The following MYO18A variants were observed in gnomAD, a reference collection of about 807,000 sequenced individuals.
MYO18A encodes unconventional myosin-XVIIIa.
A neutral mutation model predicts 235.8 loss-of-function variants in MYO18A; 78 were observed. The observed-to-expected ratio is 0.33, with a 90% CI of 0.28 to 0.40. The LOEUF (loss-of-function observed/expected upper bound fraction) is 0.40, where lower values mean the gene tolerates loss of function less well. MYO18A is among the 10% of genes least tolerant of loss of function. The probability of loss-of-function intolerance (pLI) is 1.00; values close to 1 mark genes in which losing one functional copy is unlikely to be tolerated. For missense variants in MYO18A, 2,215 were observed against 2,699.3 expected, an observed-to-expected ratio of 0.82 and a Z score of 3.98; for synonymous variants, 977 against 1,077.8, an observed-to-expected ratio of 0.91 and a Z score of 1.83.
chr17:29,071,494 C>G lies in MYO18A; in HGVS notation c.*3276G>C, dbSNP rs535923288. 4 of 152,342 alleles carry G rather than the reference C, an allele frequency of 2.6e-5. No individual in the cohort carries two copies. Among genetic ancestry groups the G allele is most frequent in the African/African-American group, 9.6e-5 (4 of 41,578 alleles). 9.4% of individuals were successfully genotyped at this position (152,342 alleles called of 1,614,324 possible). Reference sequence around the variant, plus strand: ...CACTGGTCATGTGACAATGCACAGCCAGCCTGTGGCATGTTCTACCAGCAC... The same window carrying G: ...CACTGGTCATGTGACAATGCACAGCGAGCCTGTGGCATGTTCTACCAGCAC... On this transcript the variant is annotated 3_prime_UTR_variant, in exon 42 of 42. Transcript: ENST00000527372.
chr17:29,141,437 GAAAAA>G (rs56208330), intron 2 of MYO18A, among the ~76,000 whole-genome samples: 2 of 142,464 alleles, frequency 1.4e-5, no homozygotes, highest in African/African-American at 5.2e-5. Context: ...TCCTCTTTAG[GAAAAA>G]AAAAAAATGG....
intron 2 of MYO18A, among the ~76,000 whole-genome samples, chr17:29,141,904 A>T (rs1249807996): frequency 6.6e-6 from 1 of 152,220 alleles, no homozygotes; most frequent in Non-Finnish European, 1.5e-5. Flanking sequence ...AGTTTCTGAC[A>T]TAATTGGTCT....
At chr17:29,076,383 C>T (rs964739951) in intron 41 of MYO18A, 12 of 149,448 alleles carry the variant, frequency 8.0e-5, no homozygotes, top group Non-Finnish European at 3.0e-5. Flanking sequence ...CTCCTGCTGG[C>T]TTGGGCAAGT....
rs2066279797 is a variant in MYO18A at position 29,087,264 on chromosome 17, G to A, written c.5527-143C>T. 8.8e-6 allele frequency: 7 copies of A among 795,050 alleles called. No individual in the cohort carries two copies. The Middle Eastern group carries it at 8.5e-4, about 96-fold the overall frequency. 49.2% of individuals were successfully genotyped at this position (795,050 alleles called of 1,614,324 possible). On this transcript the variant is annotated intron_variant, in intron 37 of 41. Coordinates refer to ENST00000527372, the MANE Select transcript of MYO18A (RefSeq NM_078471.4). ...ATTGGCTACCTGGGCAAGCAACCCC[G>A]AAGCTTCCCTTGCTTTTCTGTAAAA...
intron 41 of MYO18A, chr17:29,080,208 G>A (rs948547306): frequency 3.0e-6 from 3 of 986,022 alleles, no homozygotes; most frequent in African/African-American, 3.5e-5. Flanking sequence ...CCTCGGAGTC[G>A]GGCTCCAGGC....
rs35478786 is a variant in MYO18A at position 29,072,202 on chromosome 17, C to CTTTT, written c.*2564_*2567dup. The CTTTT allele has an allele frequency of 2.2e-5, 2 of 91,506 alleles. No homozygotes were observed. Among genetic ancestry groups the CTTTT allele is most frequent in the Non-Finnish European group, 4.2e-5 (2 of 47,948 alleles). The allele number at this position is 91,506 out of a possible 1,614,324, so 5.7% of individuals were successfully genotyped here. On this transcript the variant is annotated 3_prime_UTR_variant, in exon 42 of 42. Transcript: ENST00000527372. Reference sequence around the variant, plus strand: ...ACAGAACTGAACATAAGCTAGCAGCCTTTTTTTTTTTTTTTTTTTTTTTGT... The same window carrying CTTTT: ...ACAGAACTGAACATAAGCTAGCAGCCTTTTTTTTTTTTTTTTTTTTTTTTTTTGT...
At position 29,111,357 on chromosome 17, in the gene MYO18A, G is replaced by A. The variant is rs756515486; in HGVS notation, c.2900+67C>T. On this transcript the variant is annotated intron_variant, in intron 17 of 41. Transcript: ENST00000527372. The surrounding 1 kb of genome is among the most constrained non-coding windows in gnomAD (Gnocchi z 5.1). Reference sequence around the variant, plus strand: ...AGGGGGCCTCTGAGACAACCCCAGGGGGAGGGAGCCCCAAAATCAAAACAG... The same window carrying A: ...AGGGGGCCTCTGAGACAACCCCAGGAGGAGGGAGCCCCAAAATCAAAACAG... The A allele has an allele frequency of 6.4e-7, 1 of 1,555,316 alleles. No individual in the cohort carries two copies. Among genetic ancestry groups the A allele is most frequent in the Non-Finnish European group, 8.7e-7 (1 of 1,145,068 alleles).
At chr17:29,139,351 G>A (rs948989620) in intron 2 of MYO18A, among the ~76,000 whole-genome samples, 7 of 152,088 alleles carry the variant, frequency 4.6e-5, no homozygotes, top group Non-Finnish European at 7.4e-5. Flanking sequence ...CTAGTGGCCC[G>A]GGGGTGGCTG....
chr17:29,173,392 CTT>C (rs759650091), intron 1 of MYO18A, among the ~76,000 whole-genome samples: 14 of 131,512 alleles, frequency 1.1e-4, no homozygotes, highest in Non-Finnish European at 9.8e-5. Flanking sequence ...GCGCCCGGCC[CTT>C]TTTTTTTTTT....
At chr17:29,155,961 C>T (rs907086509) in intron 2 of MYO18A, among the ~76,000 whole-genome samples, 2 of 152,176 alleles carry the variant, frequency 1.3e-5, no homozygotes, top group African/African-American at 4.8e-5. Context: ...CCAGTCAGAG[C>T]GGGAAGGTTC....
rs942870257 is a variant in MYO18A at position 29,097,162 on chromosome 17, C to G, written c.4230+61G>C. 13 of 1,591,036 alleles carry G rather than the reference C, an allele frequency of 8.2e-6. No homozygotes were observed. The African/African-American group carries it at 1.7e-4, about 21-fold the overall frequency. ...GCCCCCAGAGTTCACTGGACCGACA[C>G]AAGGCACCAGTCCTCTCCTGGCCCT... On this transcript the variant is annotated intron_variant, in intron 27 of 41. Coordinates refer to ENST00000527372, the MANE Select transcript of MYO18A (RefSeq NM_078471.4).
rs940733149 is a variant in MYO18A at position 29,096,688 on chromosome 17, G to T, written c.4385+73C>A. ...CAGGTCCTTCCTTCTTTCCTCCCTG[G>T]AGGGCGAGGAGGCAGTCCTGTCTGT... On this transcript the variant is annotated intron_variant, in intron 28 of 41. Coordinates refer to ENST00000527372, the MANE Select transcript of MYO18A (RefSeq NM_078471.4). 8 of 1,435,398 alleles carry T rather than the reference G, an allele frequency of 5.6e-6. No homozygotes were observed. In the Admixed American group the frequency reaches 2.3e-4, roughly 41 times the overall value. 88.9% of individuals were successfully genotyped at this position (1,435,398 alleles called of 1,614,324 possible).
intron 2 of MYO18A, among the ~76,000 whole-genome samples, chr17:29,163,104 C>T (rs1233685864): frequency 2.0e-5 from 3 of 152,216 alleles, no homozygotes; most frequent in African/African-American, 7.2e-5. Flanking sequence ...GCAGGGTGGC[C>T]AGCAAGAGCT....
chr17:29,099,102 T>C (rs1192510720), intron 22 of MYO18A, 133 bp from the exon 23 acceptor site: 3 of 1,126,676 alleles, frequency 2.7e-6, no homozygotes, highest in South Asian at 2.9e-5. Context: ...AGTCAGATAC[T>C]TCTCATGCTC....
At chr17:29,075,157 G>C in intron 41 of MYO18A, 1 of 454,148 alleles carries the variant, frequency 2.2e-6, no homozygotes, top group Non-Finnish European at 4.1e-6. Flanking sequence ...GGACTCAAGC[G>C]TGCATAAGAA....
chr17:29,088,216 G>A (rs191448161), intron 37 of MYO18A, among the ~76,000 whole-genome samples: 135 of 151,964 alleles, frequency 8.9e-4, no homozygotes, highest in Non-Finnish European at 1.5e-3. Flanking sequence ...CACCACGCCC[G>A]GCTAATGTTT....
chr17:29,073,160 CTG>C lies in MYO18A; in HGVS notation c.*1608_*1609del, dbSNP rs1241349565. On this transcript the variant is annotated 3_prime_UTR_variant, in exon 42 of 42. Coordinates refer to ENST00000527372, the MANE Select transcript of MYO18A (RefSeq NM_078471.4). The stretch of plus-strand genomic sequence containing the variant: ...AAGAGAAGAGAAGAGAAGAGAATCT[CTG>C]TAATTGGTGAGATTTAACAATCAGA... 7.9e-5 allele frequency: 12 copies of C among 151,646 alleles called. No homozygotes were observed. Among genetic ancestry groups the C allele is most frequent in the African/African-American group, 2.9e-4 (12 of 41,158 alleles). The allele number at this position is 151,646 out of a possible 1,614,324, so 9.4% of individuals were successfully genotyped here.
At chr17:29,096,068 C>G (rs1478448697) in intron 28 of MYO18A, among the ~76,000 whole-genome samples, 1 of 152,124 alleles carries the variant, frequency 6.6e-6, no homozygotes. Flanking sequence ...AACCCAGGGT[C>G]ACTGGAAAGG....
intron 2 of MYO18A, among the ~76,000 whole-genome samples, chr17:29,157,581 CT>C (rs760847362): frequency 3.9e-5 from 6 of 152,332 alleles, no homozygotes; most frequent in Non-Finnish European, 7.3e-5. Flanking sequence ...CACAATTTGC[CT>C]AACTTTAACC....
Sources: allele counts gnomAD v4.1 joint callset (sites outside exome capture counted in the v4.1 genomes callset), GRCh38; gene constraint gnomAD v4.1.1; non-coding constraint Gnocchi (gnomAD v3.1); transcripts MANE v1.5; gene names NCBI Gene and HGNC (gene_info 2026-07-23, HGNC 2026-07-21).